ENC1: variants seen among roughly 807,000 people sequenced by gnomAD.
ENC1 encodes the protein ectodermal-neural cortex 1.
ENC1 carries 19 observed loss-of-function variants against 40.9 expected under a neutral mutation model. The ratio of observed to expected loss-of-function variants is 0.46; its 90% CI spans 0.32 to 0.68. ENC1 has a LOEUF of 0.68. Among genes scored for constraint, ENC1 ranks in the 30% least tolerant of loss-of-function variants. The pLI, the probability that ENC1 is intolerant of heterozygous loss-of-function variation, is 0.03. For synonymous variants in ENC1, 285 were observed against 291.1 expected (o/e 0.98, Z 0.21); for missense variants, 479 against 737.5 (o/e 0.65, Z 4.06).
intron 1 of ENC1, among the ~76,000 whole-genome samples, chr5:74,637,162 C>T (rs1747630442): frequency 6.6e-6 from 1 of 152,180 alleles, no homozygotes; most frequent in South Asian, 2.1e-4. Context: ...GTCACCCTGG[C>T]TTGAGTGCAG....
intron 1 of ENC1, 129 bp downstream of exon 1, chr5:74,640,178 C>T (rs1378385711): frequency 6.6e-6 from 1 of 152,254 alleles, no homozygotes; most frequent in East Asian, 1.9e-4. Flanking sequence ...AAGAGCTCCC[C>T]TTGCCCTCTA....
At chr5:74,637,615 C>A (rs1187567853) in intron 1 of ENC1, 1 of 152,200 alleles carries the variant, frequency 6.6e-6, no homozygotes, top group Non-Finnish European at 1.5e-5. Flanking sequence ...TCTTGGAAAA[C>A]CAGCTGCAAG....
At chr5:74,632,024 C>T (rs934208590) in intron 2 of ENC1, 1 of 152,204 alleles carries the variant, frequency 6.6e-6, no homozygotes, top group Non-Finnish European at 1.5e-5. Context: ...AAAGATCAAA[C>T]CACTCATTTG....
In ENC1 at chr5:74,629,990, G is replaced by A. The variant is rs886950656; in HGVS notation, c.*35C>T. On this transcript the variant is annotated splice_region_variant and 3_prime_UTR_variant, in exon 3 of 3. Coordinates refer to ENST00000302351, the MANE Select transcript of ENC1 (RefSeq NM_003633.4). ...ATATTATCTCATCGAGTGATGGAGTGAGCTGAAATAGAAGGAAAAGGAAAA... is the reference window on the plus strand; with the variant it reads ...ATATTATCTCATCGAGTGATGGAGTAAGCTGAAATAGAAGGAAAAGGAAAA... The A allele has an allele frequency of 6.6e-6, 1 of 151,962 alleles. No individual in the cohort carries two copies. The highest frequency in any genetic ancestry group is 1.5e-5 in the Non-Finnish European group (1 of 68,014). The allele number at this position is 151,962 out of a possible 1,614,324, so 9.4% of individuals were successfully genotyped here. A position where few individuals can be genotyped will look rare whatever the true frequency, so the allele number is the denominator to read the frequency against.
chr5:74,635,451 A>C lies in ENC1; in HGVS notation c.1035T>G (p.Thr345=). The part of the protein sequence containing the change: ...ACAIGCKVYI[T]GGRGSENGVS... ...CCCCATTTTCAGACCCCCGCCCCCCAGTAATGTACACTTTGCAGCCAATCG... is the reference window on the plus strand; with the variant it reads ...CCCCATTTTCAGACCCCCGCCCCCCCGTAATGTACACTTTGCAGCCAATCG... The change falls in exon 2 of 3, where the codon ACT becomes ACG. Residue 345 remains threonine (T), a synonymous_variant. Transcript: ENST00000302351. This position sits in a 1 kb window ranked among gnomAD's most constrained non-coding sequence, Gnocchi z 5.5. The C allele has an allele frequency of 6.2e-7, 1 of 1,613,792 alleles. No homozygotes were observed. Among genetic ancestry groups the C allele is most frequent in the Non-Finnish European group, 8.5e-7 (1 of 1,179,850 alleles).
chr5:74,636,731 A>C lies in ENC1; in HGVS notation c.-13-233T>G, dbSNP rs1481046822. On this transcript the variant is annotated intron_variant, in intron 1 of 2. Transcript: ENST00000302351. This position sits in a 1 kb window ranked among gnomAD's most constrained non-coding sequence, Gnocchi z 4.8. ...TATTTGAACTCTGCACTGTTTAAAA[A>C]AAAAAAAAAAATCACTGCATAAAAA... 2.6e-5 allele frequency among the ~76,000 whole-genome samples: 4 copies of C among 152,130 alleles called. No individual in the cohort carries two copies. Among genetic ancestry groups the C allele is most frequent in the African/African-American group, 9.7e-5 (4 of 41,416 alleles).
At position 74,629,538 on chromosome 5, in the gene ENC1, C is replaced by T. The variant is rs1167292454; in HGVS notation, c.*487G>A. The T allele has an allele frequency of 6.6e-6, 1 of 152,272 alleles. No homozygotes were observed. Among genetic ancestry groups the T allele is most frequent in the Non-Finnish European group, 1.5e-5 (1 of 68,096 alleles). The allele number at this position is 152,272 out of a possible 1,614,324, so 9.4% of individuals were successfully genotyped here. The stretch of plus-strand genomic sequence containing the variant: ...GTCTTCATTCTTCAGCCAGCCCAGC[C>T]AGCTTCCCTCTCGGACCCACAGTTG... On this transcript the variant is annotated 3_prime_UTR_variant, in exon 3 of 3. Coordinates refer to ENST00000302351, the MANE Select transcript of ENC1 (RefSeq NM_003633.4).
In ENC1 at chr5:74,635,208, C is replaced by T; in HGVS notation, c.1278G>A (p.Met426Ile). The change falls in exon 2 of 3, where the codon ATG becomes ATA. Residue 426 changes from methionine (M) to isoleucine (I), a missense_variant. Physicochemically the swap from Met to Ile is conservative, Grantham distance 10. Transcript: ENST00000302351. The surrounding 1 kb of genome is among the most constrained non-coding windows in gnomAD (Gnocchi z 5.5). The stretch of plus-strand genomic sequence containing the variant: ...TAACGCCTTCTCGGAGTGGGGCCAC[C>T]ATGGTCCATTTGTTGATTGTGGGGT... ...HYDPTINKWT[M>I]VAPLREGVSN... The T allele has an allele frequency of 6.2e-7, 1 of 1,614,224 alleles. No homozygotes were observed. The highest frequency in any genetic ancestry group is 8.5e-7 in the Non-Finnish European group (1 of 1,180,042).
At position 74,634,676 on chromosome 5, in the gene ENC1, C is replaced by T. The variant is rs1215974488; in HGVS notation, c.*32+8G>A. On this transcript the variant is annotated splice_region_variant and intron_variant, in intron 2 of 2. Coordinates refer to ENST00000302351, the MANE Select transcript of ENC1 (RefSeq NM_003633.4). ...ATGCATACTTACATCTATAGCTAAA[C>T]TTCTTACCTCATGCTCACTCTCTTT... 1 of 1,394,894 alleles carries T rather than the reference C, an allele frequency of 7.2e-7. No individual in the cohort carries two copies. The highest frequency in any genetic ancestry group is 1.0e-6 in the Non-Finnish European group (1 of 993,938). 86.4% of individuals were successfully genotyped at this position (1,394,894 alleles called of 1,614,324 possible). A position where few individuals can be genotyped will look rare whatever the true frequency, so the allele number is the denominator to read the frequency against.
At chr5:74,631,731 G>A (rs1009022184) in intron 2 of ENC1, among the ~76,000 whole-genome samples, 3 of 152,170 alleles carry the variant, frequency 2.0e-5, no homozygotes, top group African/African-American at 7.2e-5. Flanking sequence ...CCCAGCGACC[G>A]GAAGGGTATG....
At position 74,627,604 on chromosome 5, in the gene ENC1, T is replaced by C. The variant is rs919231550; in HGVS notation, c.*2421A>G. The C allele has an allele frequency of 2.0e-5, 3 of 152,598 alleles. No individual in the cohort carries two copies. Among genetic ancestry groups the C allele is most frequent in the Non-Finnish European group, 4.4e-5 (3 of 68,038 alleles). 9.5% of individuals were successfully genotyped at this position (152,598 alleles called of 1,614,324 possible). A position where few individuals can be genotyped will look rare whatever the true frequency, so the allele number is the denominator to read the frequency against. On this transcript the variant is annotated 3_prime_UTR_variant, in exon 3 of 3. Transcript: ENST00000302351. ...AGCCAAGAGAGGGACATTATGCAGC[T>C]CTAATCACTCTTATTCAAGACAGGT...
At position 74,635,681 on chromosome 5, in the gene ENC1, C is replaced by T. The variant is rs1747561291; in HGVS notation, c.805G>A (p.Ala269Thr). ...AGGATTTTCAGTTTGCACCTGATGG[C>T]CTCTTCCACAATTTCCTTACTCTTT... ...QRKSKEIVEE[A>T]IRCKLKILQN... The change falls in exon 2 of 3, where the codon GCC becomes ACC. Residue 269 changes from alanine to threonine, a missense_variant. Transcript: ENST00000302351. This position sits in a 1 kb window ranked among gnomAD's most constrained non-coding sequence, Gnocchi z 5.5. 1 of 1,614,062 alleles carries T rather than the reference C, an allele frequency of 6.2e-7. No individual in the cohort carries two copies. The highest frequency in any genetic ancestry group is 1.3e-5 in the African/African-American group (1 of 74,920).
At position 74,640,518 on chromosome 5, in the gene ENC1, C is replaced by G. The variant is rs1747821404; in HGVS notation, c.-225G>C. The G allele has an allele frequency of 6.6e-6, 1 of 152,312 alleles. No individual in the cohort carries two copies. The highest frequency in any genetic ancestry group is 1.5e-5 in the Non-Finnish European group (1 of 68,124). 9.4% of individuals were successfully genotyped at this position (152,312 alleles called of 1,614,324 possible). On this transcript the variant is annotated 5_prime_UTR_variant, in exon 1 of 3. Coordinates refer to ENST00000302351, the MANE Select transcript of ENC1 (RefSeq NM_003633.4). ...GTCTGTCGTCCCCACGCCGCGGACC[C>G]GGTGTCCAGGACCCGCAGAGCGTCT...
Position 74,635,648 on chromosome 5 carries a change from C to T in ENC1, c.838G>A (p.Asp280Asn). 1 of 1,614,224 alleles carries T rather than the reference C, an allele frequency of 6.2e-7. No individual in the cohort carries two copies. Among genetic ancestry groups the T allele is most frequent in the Non-Finnish European group, 8.5e-7 (1 of 1,180,044 alleles). The change falls in exon 2 of 3, where the codon GAC becomes AAC. Residue 280 changes from aspartate (D) to asparagine (N), a missense_variant. By Grantham distance (23) the Asp-to-Asn change is conservative. Coordinates refer to ENST00000302351, the MANE Select transcript of ENC1 (RefSeq NM_003633.4). The surrounding 1 kb of genome is among the most constrained non-coding windows in gnomAD (Gnocchi z 5.5). ...IRCKLKILQN[D>N]GVVTSLCARP... Reference sequence around the variant, plus strand: ...GCACAGAGGCTGGTTACCACACCGTCATTCTGCAGGATTTTCAGTTTGCAC... The same window carrying T: ...GCACAGAGGCTGGTTACCACACCGTTATTCTGCAGGATTTTCAGTTTGCAC...
chr5:74,629,301 A>G lies in ENC1; in HGVS notation c.*724T>C, dbSNP rs1002322744. 2.6e-5 allele frequency: 4 copies of G among 152,210 alleles called. No individual in the cohort carries two copies. Among genetic ancestry groups the G allele is most frequent in the Non-Finnish European group, 5.9e-5 (4 of 68,030 alleles). 9.4% of individuals were successfully genotyped at this position (152,210 alleles called of 1,614,324 possible). On this transcript the variant is annotated 3_prime_UTR_variant, in exon 3 of 3. Coordinates refer to ENST00000302351, the MANE Select transcript of ENC1 (RefSeq NM_003633.4). ...CGTACAACCATTCACACACGTCCAT[A>G]CATGTGAAGACAGCTGTAGGCATTG... is the stretch of plus-strand genomic sequence containing the variant.
At chr5:74,630,620 T>G (rs958546335) in intron 2 of ENC1, among the ~76,000 whole-genome samples, 1 of 152,220 alleles carries the variant, frequency 6.6e-6, no homozygotes. Flanking sequence ...ATTCTCAAAG[T>G]TCGTCAGTCC....
At position 74,635,194 on chromosome 5, in the gene ENC1, C is replaced by T. The variant is rs761667313; in HGVS notation, c.1292G>A (p.Arg431Gln). The T allele has an allele frequency of 5.0e-6, 8 of 1,614,200 alleles. No homozygotes were observed. The highest frequency in any genetic ancestry group is 3.3e-5 in the South Asian group (3 of 91,088). ...TACTGCGGCGTTGCTAACGCCTTCT[C>T]GGAGTGGGGCCACCATGGTCCATTT... ...INKWTMVAPL[R>Q]EGVSNAAVVS... Residue 431 changes from arginine to glutamine, a missense_variant, in exon 2 of 3, where the codon CGA becomes CAA. Arg to Gln is a conservative substitution (Grantham distance 43). Coordinates refer to ENST00000302351, the MANE Select transcript of ENC1 (RefSeq NM_003633.4). The surrounding 1 kb of genome is among the most constrained non-coding windows in gnomAD (Gnocchi z 5.5).
rs769248815 is a variant in ENC1 at position 74,636,294 on chromosome 5, C to A, written c.192G>T (p.Leu64=). 6.2e-7 allele frequency: 1 copy of A among 1,614,184 alleles called. No individual in the cohort carries two copies. Among genetic ancestry groups the A allele is most frequent in the Non-Finnish European group, 8.5e-7 (1 of 1,180,038 alleles). Residue 64 remains leucine (L), a synonymous_variant, in exon 2 of 3, where the codon CTG becomes CTT. Coordinates refer to ENST00000302351, the MANE Select transcript of ENC1 (RefSeq NM_003633.4). This position sits in a 1 kb window ranked among gnomAD's most constrained non-coding sequence, Gnocchi z 4.8. ...CCTCAAAGTAGCGACTGCATGCAGC[C>A]AGCACTGCCCGGTGGCAAGGGAAGG... The part of the protein sequence containing the change: ...NRTFPCHRAV[L]AACSRYFEAM...
At chr5:74,638,710 A>G (rs540018771) in intron 1 of ENC1, among the ~76,000 whole-genome samples, 1 of 152,354 alleles carries the variant, frequency 6.6e-6, no homozygotes, top group South Asian at 2.1e-4. Flanking sequence ...TTTAATTAGT[A>G]CATTCAATCT....
Sources: gnomAD v4.1 joint callset for allele counts (sites outside exome capture counted in the v4.1 genomes callset) on GRCh38, gnomAD v4.1.1 for gene constraint, Gnocchi (gnomAD v3.1) non-coding constraint, MANE v1.5 for transcripts, NCBI Gene and HGNC (gene_info 2026-07-23, HGNC 2026-07-21) for gene names.